Variants in SIGIRR observed in about 807,000 individuals in gnomAD.
SIGIRR encodes the protein single Ig IL-1-related receptor.
SIGIRR carries 41 observed loss-of-function variants against 45.6 expected under a neutral mutation model. That is an observed-to-expected ratio of 0.90 (90% CI 0.70 to 1.17). The LOEUF (loss-of-function observed/expected upper bound fraction) is 1.17. Among genes scored for constraint, SIGIRR ranks in the 50% most tolerant of loss-of-function variants. The probability of loss-of-function intolerance (pLI) is 0.00; values close to 1 mark genes in which losing one functional copy is unlikely to be tolerated. For synonymous variants in SIGIRR, 298 were observed against 239.0 expected (o/e 1.25, Z -2.28); for missense variants, 599 against 539.6 (o/e 1.11, Z -1.09).
In SIGIRR at chr11:407,884, G is replaced by C. The variant is rs901472987; in HGVS notation, c.414C>G (p.Leu138=). 6.2e-6 allele frequency: 10 copies of C among 1,612,466 alleles called. No homozygotes were observed. The highest frequency in any genetic ancestry group is 1.1e-5 in the South Asian group (1 of 91,078). ...VLLALLLAAL[L]YVKCRLNVLL... ...GCACGTTGAGACGGCACTTGACATA[G>C]AGCAGGGCGGCCAGCAGCAGGGCCA... Residue 138 remains leucine, a synonymous_variant, in exon 5 of 10, where the codon CTC becomes CTG. Coordinates refer to ENST00000431843, the MANE Select transcript of SIGIRR (RefSeq NM_001135054.2).
chr11:406,582 A>G, intron 8 of SIGIRR, 44 bp from the exon 9 acceptor site: 1 of 1,560,452 alleles, frequency 6.4e-7, no homozygotes. Context: ...AACACCTCGG[A>G]AGCCCCTGGC....
At chr11:409,339 G>T in intron 2 of SIGIRR, 1 of 316,494 alleles carries the variant, frequency 3.2e-6, no homozygotes, top group Non-Finnish European at 6.2e-6. Flanking sequence ...AGTGGGTTTG[G>T]GGACCCAGAT....
rs1473653668 is a variant in SIGIRR, at chr11:408,312, G to A, written c.207-106C>T. 14 of 1,466,506 alleles carry A rather than the reference G, an allele frequency of 9.5e-6. No individual in the cohort carries two copies. The South Asian group carries it at 1.8e-4, about 19-fold the overall frequency. 90.8% of individuals were successfully genotyped at this position (1,466,506 alleles called of 1,614,324 possible). On this transcript the variant is annotated intron_variant, in intron 3 of 9. Transcript: ENST00000431843. ...GGGAGGCTGCAGAATTGGGCCTCCT[G>A]GGTGGTTCTTGGGCCTTAAGCCAAG...
chr11:406,691 TC>T, intron 8 of SIGIRR, 151 bp downstream of exon 8: 13 of 1,406,578 alleles, frequency 9.2e-6, no homozygotes, highest in South Asian at 3.0e-5. Context: ...GCTCCCCGCA[TC>T]GGGGCCCCAG....
chr11:410,627 G>A (rs182256445), intron 1 of SIGIRR, among the ~76,000 whole-genome samples: 2 of 68,370 alleles, frequency 2.9e-5, no homozygotes, highest in Admixed American at 1.2e-4. Flanking sequence ...GTCGGGGGGG[G>A]GGGGTGCCCA....
At chr11:416,847 G>A (rs1366294738), upstream of SIGIRR, among the ~76,000 whole-genome samples, 4 of 152,096 alleles carry the variant, frequency 2.6e-5, no homozygotes, top group African/African-American at 9.7e-5. This position sits in a 1 kb window ranked among gnomAD's most constrained non-coding sequence, Gnocchi z 9.1. Flanking sequence ...GCACGGGGGT[G>A]CGGCTCGGGG....
chr11:406,372 T>C lies in SIGIRR; in HGVS notation c.1046A>G (p.Asp349Gly), dbSNP rs1345277096. Residue 349 changes from aspartate (D) to glycine (G), a missense_variant, in exon 9 of 10, where the codon GAC becomes GGC. By Grantham distance (94) the Asp-to-Gly change is moderately conservative. Coordinates refer to ENST00000431843, the MANE Select transcript of SIGIRR (RefSeq NM_001135054.2). ...ACCCAGGTCGCCCTCAGGGTCCGGG[T>C]CCACCTCTGAGTCCAGGGCCCGGCC... is the stretch of plus-strand genomic sequence containing the variant. ...PEGRALDSEVDPDPEGDLGVR... is the reference protein window; with the variant it reads ...PEGRALDSEVGPDPEGDLGVR... The C allele has an allele frequency of 6.2e-7, 1 of 1,612,526 alleles. No homozygotes were observed. The highest frequency in any genetic ancestry group is 1.3e-5 in the African/African-American group (1 of 75,020).
chr11:410,261 C>T (rs892043783), intron 1 of SIGIRR, among the ~76,000 whole-genome samples: 1 of 152,092 alleles, frequency 6.6e-6, no homozygotes, highest in Non-Finnish European at 1.5e-5. Flanking sequence ...CCAGGATCAC[C>T]TCCACCGGCC....
rs2133613183 is a variant in SIGIRR at position 405,974 on chromosome 11, C to T, written c.1155G>A (p.Val385=). ...TTCGCGAGCCGAGATCCGAGACGTC[C>T]ACTTCGCTGCTCCGGCTCTCTCCCA... ...VSLGESRSSE[V]DVSDLGSRNY... The change falls in exon 10 of 10, where the codon GTG becomes GTA. Residue 385 remains valine (V), a synonymous_variant. Coordinates refer to ENST00000431843, the MANE Select transcript of SIGIRR (RefSeq NM_001135054.2). The T allele has an allele frequency of 6.2e-7, 1 of 1,612,472 alleles. No homozygotes were observed.
Position 407,573 on chromosome 11 carries a change from G to A in SIGIRR, c.482-5C>T, listed in dbSNP as rs769299299. The stretch of plus-strand genomic sequence containing the variant: ...AGGCGTCGTAGAGCTTCCCGTCTGC[G>A]GACGGCGGCCAGTCACCCCGATGGC... On this transcript the variant is annotated splice_polypyrimidine_tract_variant and splice_region_variant and intron_variant, in intron 5 of 9. Transcript: ENST00000431843. 8.1e-6 allele frequency: 13 copies of A among 1,605,518 alleles called. No homozygotes were observed. The East Asian group carries it at 2.9e-4, about 36-fold the overall frequency.
In SIGIRR at chr11:406,933, G is replaced by A. The variant is rs753089850; in HGVS notation, c.789C>T (p.Gly263=). 5.6e-6 allele frequency: 9 copies of A among 1,600,452 alleles called. No homozygotes were observed. Among genetic ancestry groups the A allele is most frequent in the Non-Finnish European group, 6.8e-6 (8 of 1,177,516 alleles). ...CCGGGTGCGCGGGGTCGCGCCTCTG[G>A]CCCTCGAAGGTGATGAAGATGGGTC... ...TRRPIFITFE[G]QRRDPAHPAL... The change falls in exon 8 of 10, where the codon GGC becomes GGT. Residue 263 remains glycine, a synonymous_variant. Coordinates refer to ENST00000431843, the MANE Select transcript of SIGIRR (RefSeq NM_001135054.2).
intron 3 of SIGIRR, 42 bp downstream of exon 3, chr11:408,653 G>A: frequency 6.2e-7 from 1 of 1,607,150 alleles, no homozygotes; most frequent in Non-Finnish European, 8.5e-7. Flanking sequence ...CCCTTGGCAT[G>A]TCTGAGAGGT....
At chr11:409,747 C>A (rs1184930485) in intron 2 of SIGIRR, 121 bp downstream of exon 2, 7 of 1,152,446 alleles carry the variant, frequency 6.1e-6, no homozygotes, top group Non-Finnish European at 8.0e-6. Flanking sequence ...GGCCTTTGTA[C>A]CCCCGGCATG....
rs1434580571 is a variant in SIGIRR at position 409,904 on chromosome 11, G to C, written c.-30C>G. 1.5e-6 allele frequency: 2 copies of C among 1,307,380 alleles called. No homozygotes were observed. Among genetic ancestry groups the C allele is most frequent in the African/African-American group, 3.1e-5 (2 of 65,364 alleles). The allele number at this position is 1,307,380 out of a possible 1,614,324, so 81.0% of individuals were successfully genotyped here. On this transcript the variant is annotated 5_prime_UTR_variant, in exon 2 of 10. Coordinates refer to ENST00000431843, the MANE Select transcript of SIGIRR (RefSeq NM_001135054.2). ...CTGAGCCGGGGCCTCCTCGGGGCAG[G>C]CTGGGCTCCAGGGTCACCCCTGGCT...
chr11:408,877 G>A lies in SIGIRR; in HGVS notation c.24C>T (p.Ala8=), dbSNP rs964177998. ...CTTCAGACGGGGAGAGGAAGTCAGG[G>A]GCCCTATCACAGACACCTGAAGAGA... MPGVCDR[A]PDFLSPSEDQ... The change falls in exon 3 of 10, where the codon GCC becomes GCT. Residue 8 remains alanine (A), a synonymous_variant. Transcript: ENST00000431843. The A allele has an allele frequency of 1.2e-6, 2 of 1,612,656 alleles. No homozygotes were observed. The highest frequency in any genetic ancestry group is 1.7e-6 in the Non-Finnish European group (2 of 1,179,966).
intron 4 of SIGIRR, 49 bp downstream of exon 4, chr11:408,024 A>G (rs752272519): frequency 1.5e-5 from 24 of 1,608,452 alleles, no homozygotes; most frequent in Non-Finnish European, 2.0e-5. Context: ...CCTGGGCCTC[A>G]CTAGGTCTAG....
In SIGIRR at chr11:405,755, G is replaced by A. The variant is rs1486945803; in HGVS notation, c.*141C>T. On this transcript the variant is annotated 3_prime_UTR_variant, in exon 10 of 10. Coordinates refer to ENST00000431843, the MANE Select transcript of SIGIRR (RefSeq NM_001135054.2). ...ACTTTATTTTCTGGCACTGGGAGGC[G>A]CCCTGAGGCCACAGCCTTTTCCCAG... 1.1e-5 allele frequency: 11 copies of A among 1,011,826 alleles called. No individual in the cohort carries two copies. The highest frequency in any genetic ancestry group is 1.8e-5 in the South Asian group (1 of 54,846). 62.7% of individuals were successfully genotyped at this position (1,011,826 alleles called of 1,614,324 possible).
intron 6 of SIGIRR, 45 bp downstream of exon 6, chr11:407,380 G>GCGGGC: frequency 1.4e-6 from 2 of 1,444,376 alleles, no homozygotes; most frequent in Non-Finnish European, 1.8e-6. Context: ...GCGGGGCGGG[G>GCGGGC]CGGGCCCTCC....
chr11:407,121 G>GCT lies in SIGIRR; in HGVS notation c.668_669insAG (p.Leu224AlafsTer11). ...AGGCGTCCGAAAGCACCACGATGAG[G>GCT]CGTCGGCAGCGGCTCAGGTTCACCA... On this transcript the variant is annotated frameshift_variant, in exon 7 of 10. Coordinates refer to ENST00000431843, the MANE Select transcript of SIGIRR (RefSeq NM_001135054.2). LOFTEE classifies it high-confidence loss of function. 2 of 1,529,662 alleles carry GCT rather than the reference G, an allele frequency of 1.3e-6. No individual in the cohort carries two copies. Among genetic ancestry groups the GCT allele is most frequent in the Admixed American group, 2.0e-5 (1 of 51,054 alleles). 94.8% of individuals were successfully genotyped at this position (1,529,662 alleles called of 1,614,324 possible). A position where few individuals can be genotyped will look rare whatever the true frequency, so the allele number is the denominator to read the frequency against.
Sources: gnomAD v4.1 joint callset for allele counts (sites outside exome capture counted in the v4.1 genomes callset) on GRCh38, gnomAD v4.1.1 for gene constraint, Gnocchi (gnomAD v3.1) non-coding constraint, MANE v1.5 for transcripts, NCBI Gene and HGNC (gene_info 2026-07-23, HGNC 2026-07-21) for gene names.